Variants in KEAP1 observed in about 807,000 individuals in gnomAD.
The protein encoded by KEAP1 is kelch-like ECH-associated protein 1.
A neutral mutation model predicts 59.7 loss-of-function variants in KEAP1; 26 were observed. The ratio of observed to expected loss-of-function variants is 0.44; its 90% confidence interval spans 0.32 to 0.60. KEAP1 has a LOEUF of 0.60. Among genes scored for constraint, KEAP1 ranks in the 20% least tolerant of loss-of-function variants. KEAP1 has a pLI of 0.06. For missense variants in KEAP1, 539 were observed against 871.4 expected (o/e 0.62, Z 4.80); for synonymous variants, 350 against 358.3 (o/e 0.98, Z 0.26).
At chr19:10,486,995 G>A (rs373564457) in intron 5 of KEAP1, among the ~76,000 whole-genome samples, 177 bp from the exon 6 acceptor site, 1 of 144,076 alleles carries the variant, frequency 6.9e-6, no homozygotes, top group East Asian at 2.1e-4. Context: ...CCAGGAGTTC[G>A]AAGCCAGCCT....
At chr19:10,493,389 C>T (rs1674773381) in intron 2 of KEAP1, among the ~76,000 whole-genome samples, 1 of 151,854 alleles carries the variant, frequency 6.6e-6, no homozygotes, top group Admixed American at 6.6e-5. Flanking sequence ...GTCTCGATCT[C>T]CTGACCTTGT....
At position 10,486,560 on chromosome 19, in the gene KEAP1, G is replaced by T; in HGVS notation, c.*92C>A. 1 of 1,251,840 alleles carries T rather than the reference G, an allele frequency of 8.0e-7. No individual in the cohort carries two copies. Among genetic ancestry groups the T allele is most frequent in the Non-Finnish European group, 1.1e-6 (1 of 880,278 alleles). The allele number at this position is 1,251,840 out of a possible 1,614,324, so 77.5% of individuals were successfully genotyped here. On this transcript the variant is annotated 3_prime_UTR_variant, in exon 6 of 6. Coordinates refer to ENST00000171111, the MANE Select transcript of KEAP1 (RefSeq NM_203500.2). Reference sequence around the variant, plus strand: ...TCCCTTCCCGGAAGATGGGTTATTTGCAGTGCTGTCTTTTCTTTTAGTCCC... The same window carrying T: ...TCCCTTCCCGGAAGATGGGTTATTTTCAGTGCTGTCTTTTCTTTTAGTCCC...
At chr19:10,487,993 T>C (rs571317613) in intron 5 of KEAP1, among the ~76,000 whole-genome samples, 1 of 152,170 alleles carries the variant, frequency 6.6e-6, no homozygotes, top group South Asian at 2.1e-4. Flanking sequence ...CCGGGCGTGG[T>C]GGCGCATGCC....
At chr19:10,500,294 C>A (rs775347234) in intron 1 of KEAP1, among the ~76,000 whole-genome samples, 13 of 152,210 alleles carry the variant, frequency 8.5e-5, no homozygotes, top group Admixed American at 2.0e-4. Flanking sequence ...ATGTCTCTCC[C>A]CTGCTCTGGA....
intron 5 of KEAP1, 101 bp from the exon 6 acceptor site, chr19:10,486,919 G>A (rs545572197): frequency 6.5e-5 from 83 of 1,273,330 alleles, no homozygotes; most frequent in Middle Eastern, 5.0e-4. Flanking sequence ...AAAGCAGGCC[G>A]GGCGTGGTGG....
rs572074638 is a variant in KEAP1, at chr19:10,496,504, A to C, written c.639+2891T>G. Among the ~76,000 whole-genome samples, 654 of 115,382 alleles carry C rather than the reference A, an allele frequency of 5.7e-3. 7 individuals are homozygous for C. The highest frequency in any genetic ancestry group is 0.021 in the African/African-American group (588 of 27,358). 75.7% of individuals were successfully genotyped at this position (115,382 alleles called of 152,430 possible). ...AGTGAGACTCTGTCCCCCACCCCCAAAAAAAAAAAAAAGGGGGCTTGGCGT... is the reference window on the plus strand; with the variant it reads ...AGTGAGACTCTGTCCCCCACCCCCACAAAAAAAAAAAAGGGGGCTTGGCGT... On this transcript the variant is annotated intron_variant, in intron 2 of 5. Coordinates refer to ENST00000171111, the MANE Select transcript of KEAP1 (RefSeq NM_203500.2).
chr19:10,503,298 T>C lies in KEAP1; in HGVS notation c.-105A>G, dbSNP rs1915107421. The C allele has an allele frequency of 6.6e-6, 1 of 152,462 alleles. No homozygotes were observed. Among genetic ancestry groups the C allele is most frequent in the Admixed American group, 6.5e-5 (1 of 15,276 alleles). 9.4% of individuals were successfully genotyped at this position (152,462 alleles called of 1,614,324 possible). On this transcript the variant is annotated 5_prime_UTR_variant, in exon 1 of 6. Transcript: ENST00000171111. This position sits in a 1 kb window ranked among gnomAD's most constrained non-coding sequence, Gnocchi z 4.3. ...CGTCGGGGGGCCTCGGCTCCAGGGC[T>C]GCGTGGCCTGCGGGGTCTTGGTTGT...
chr19:10,495,332 T>C (rs866516237), intron 2 of KEAP1, among the ~76,000 whole-genome samples: 15 of 152,038 alleles, frequency 9.9e-5, no homozygotes, highest in South Asian at 2.1e-4. Context: ...AATGAAATCA[T>C]TTTCTAAAAT....
At position 10,495,163 on chromosome 19, in the gene KEAP1, T is replaced by C. The variant is rs548217716; in HGVS notation, c.640-2901A>G. Reference sequence around the variant, plus strand: ...TTTTAGTAGAGATGGGATGTCTGAGTTTATTTTTTAAGAGACAGGGTCTTG... The same window carrying C: ...TTTTAGTAGAGATGGGATGTCTGAGCTTATTTTTTAAGAGACAGGGTCTTG... On this transcript the variant is annotated intron_variant, in intron 2 of 5. Transcript: ENST00000171111. Among the ~76,000 whole-genome samples the C allele has an allele frequency of 5.9e-5, 9 of 151,830 alleles. No homozygotes were observed. The South Asian group carries it at 1.9e-3, about 32-fold the overall frequency.
chr19:10,488,043 G>T (rs553845116), intron 5 of KEAP1, among the ~76,000 whole-genome samples: 2 of 151,966 alleles, frequency 1.3e-5, no homozygotes, highest in African/African-American at 4.8e-5. Flanking sequence ...GAGGAAAATC[G>T]CTTGAACCTG....
Position 10,486,169 on chromosome 19 carries a change from A to G in KEAP1, c.*483T>C. 1 of 228,492 alleles carries G rather than the reference A, an allele frequency of 4.4e-6. No homozygotes were observed. Among genetic ancestry groups the G allele is most frequent in the Non-Finnish European group, 8.7e-6 (1 of 115,184 alleles). The allele number at this position is 228,492 out of a possible 1,614,324, so 14.2% of individuals were successfully genotyped here. A position where few individuals can be genotyped will look rare whatever the true frequency, so the allele number is the denominator to read the frequency against. On this transcript the variant is annotated 3_prime_UTR_variant, in exon 6 of 6. Coordinates refer to ENST00000171111, the MANE Select transcript of KEAP1 (RefSeq NM_203500.2). ...TGTTCTTTATTTTCCTTGGAAAATT[A>G]CAGGGTTACTTATCAACAAAATAAC...
chr19:10,500,690 T>A (rs1450053647), intron 1 of KEAP1, among the ~76,000 whole-genome samples: 4 of 148,286 alleles, frequency 2.7e-5, no homozygotes, highest in African/African-American at 1.0e-4. Context: ...GCTTTTTTTT[T>A]TTTTTTTTTC....
chr19:10,494,788 G>A (rs545128771), intron 2 of KEAP1, among the ~76,000 whole-genome samples: 48 of 150,096 alleles, frequency 3.2e-4, no homozygotes, highest in Non-Finnish European at 6.2e-4. Flanking sequence ...CCGAGTAGCT[G>A]GGACTACAGG....
In KEAP1 at chr19:10,491,963, G is replaced by A. The variant is rs1458358210; in HGVS notation, c.939C>T (p.Pro313=). 3.1e-6 allele frequency: 5 copies of A among 1,613,940 alleles called. No homozygotes were observed. In the Admixed American group the frequency reaches 8.3e-5, roughly 27 times the overall value. Residue 313 remains proline, a synonymous_variant, in exon 3 of 6, where the codon CCC becomes CCT. Transcript: ENST00000171111. The surrounding 1 kb of genome is among the most constrained non-coding windows in gnomAD (Gnocchi z 5.2). ...KIFEELTLHK[P]TQVMPCRAPK... is the part of the protein sequence containing the mutation. ...GCGCCCGGCAGGGCATCACCTGCGT[G>A]GGCTTGTGCAGGGTGAGCTCCTCGA...
rs570185979 is a variant in KEAP1, at chr19:10,491,175, C to A, written c.1325+402G>T. Among the ~76,000 whole-genome samples, 15 of 152,206 alleles carry A rather than the reference C, an allele frequency of 9.9e-5. No individual in the cohort carries two copies. The highest frequency in any genetic ancestry group is 3.6e-4 in the African/African-American group (15 of 41,560). Reference sequence around the variant, plus strand: ...CGAGGTTGCAGTGACCCAAGATGCACTCCAGCCTGGGCAACAGAGCAAGAG... The same window carrying A: ...CGAGGTTGCAGTGACCCAAGATGCAATCCAGCCTGGGCAACAGAGCAAGAG... On this transcript the variant is annotated intron_variant, in intron 3 of 5. Transcript: ENST00000171111. This position sits in a 1 kb window ranked among gnomAD's most constrained non-coding sequence, Gnocchi z 5.2.
At position 10,486,687 on chromosome 19, in the gene KEAP1, G is replaced by C. The variant is rs376458951; in HGVS notation, c.1840C>G (p.Arg614Gly). The change falls in exon 6 of 6, where the codon CGG (arginine) becomes GGG (glycine). Residue 614 changes from arginine (R) to glycine (G), a missense_variant. Coordinates refer to ENST00000171111, the MANE Select transcript of KEAP1 (RefSeq NM_203500.2). ...CAGTTCTGCTGGTCAATCTGCTTCCGGCAGGGCTCCATGGTGACAGCCACG... is the reference window on the plus strand; with the variant it reads ...CAGTTCTGCTGGTCAATCTGCTTCCCGCAGGGCTCCATGGTGACAGCCACG... ...VGVAVTMEPCRKQIDQQNCTC is the reference protein window; with the variant it reads ...VGVAVTMEPCGKQIDQQNCTC 5.6e-6 allele frequency: 9 copies of C among 1,613,930 alleles called. No homozygotes were observed. The highest frequency in any genetic ancestry group is 1.6e-4 in the Middle Eastern group (1 of 6,084).
At chr19:10,489,484 A>T (rs1381721885) in intron 4 of KEAP1, 116 bp from the exon 5 acceptor site, 1 of 1,268,572 alleles carries the variant, frequency 7.9e-7, no homozygotes, top group East Asian at 2.5e-5. Context: ...CTCAGAAATG[A>T]AGCGGGGAGA....
chr19:10,490,525 G>C (rs1344579518), intron 3 of KEAP1: 1 of 152,010 alleles, frequency 6.6e-6, no homozygotes, highest in Non-Finnish European at 1.5e-5. Flanking sequence ...ATGTTGGCCA[G>C]GCTGGTCTCA....
intron 2 of KEAP1, among the ~76,000 whole-genome samples, chr19:10,493,452 G>A (rs952399940): frequency 2.0e-5 from 3 of 148,278 alleles, no homozygotes; most frequent in Non-Finnish European, 4.5e-5. Context: ...GTGAGCCACC[G>A]CGCCCGGCCA....
Sources: gnomAD v4.1 joint callset for allele counts (sites outside exome capture counted in the v4.1 genomes callset) on GRCh38, gnomAD v4.1.1 for gene constraint, Gnocchi (gnomAD v3.1) non-coding constraint, MANE v1.5 for transcripts, NCBI Gene and HGNC (gene_info 2026-07-23, HGNC 2026-07-21) for gene names.